The following ERAP1 variants were observed in gnomAD, a reference collection of about 807,000 sequenced individuals.
The protein encoded by ERAP1 is endoplasmic reticulum aminopeptidase 1, also known as adipocyte-derived leucine aminopeptidase.
Under a neutral mutation model 103.7 loss-of-function variants are expected in ERAP1, and 86 were observed. That is an observed-to-expected ratio of 0.83 (90% confidence interval 0.70 to 0.99). ERAP1 has a LOEUF of 0.99. Ranked by LOEUF, ERAP1 falls within the 50% of genes least tolerant of loss-of-function variation. The pLI, the probability that ERAP1 is intolerant of heterozygous loss-of-function variation, is 0.00. For synonymous variants in ERAP1, 398 were observed against 402.4 expected (o/e 0.99, Z 0.13); for missense variants, 1,009 against 1,128.4 (o/e 0.89, Z 1.52).
At chr5:96,929,089 G>A in the ERAP1 span, among the ~76,000 whole-genome samples, 4 of 152,344 alleles carry the variant, frequency 2.6e-5, no homozygotes, top group East Asian at 1.9e-4. Context: ...AAGCAAGGGA[G>A]GAGACACAGA....
the ERAP1 span, among the ~76,000 whole-genome samples, chr5:96,837,452 G>A: frequency 6.6e-6 from 1 of 152,210 alleles, no homozygotes; most frequent in Non-Finnish European, 1.5e-5. Context: ...CTGGACCCAG[G>A]CAGGAGCTTC....
chr5:96,812,600 C>CTAAT (rs147735131), upstream of ERAP1, among the ~76,000 whole-genome samples: 2,480 of 152,288 alleles, frequency 0.016, 57 homozygotes, highest in African/African-American at 0.056. Context: ...ATGCTACTAA[C>CTAAT]TGTCTTGCCT....
At chr5:96,892,305 T>C in the ERAP1 span, 2 of 1,613,828 alleles carry the variant, frequency 1.2e-6, no homozygotes, top group Admixed American at 1.7e-5. Flanking sequence ...TTAGATTTAA[T>C]TGCTATTCCT....
intron 4 of ERAP1, among the ~76,000 whole-genome samples, chr5:96,795,512 G>C (rs995524032): frequency 1.3e-5 from 2 of 152,204 alleles, no homozygotes; most frequent in Non-Finnish European, 2.9e-5. Flanking sequence ...GCCCAACACA[G>C]CTGGACTTGA....
chr5:96,767,517 T>TCCATTAA, intron 19 of ERAP1: 1 of 1,575,458 alleles, frequency 6.3e-7, no homozygotes, highest in Non-Finnish European at 8.7e-7. Context: ...CATTAAATTT[T>TCCATTAA]GTTTTATTCT....
intron 5 of ERAP1, among the ~76,000 whole-genome samples, chr5:96,794,184 T>C (rs1777070696): frequency 7.1e-6 from 1 of 140,912 alleles, no homozygotes; most frequent in Admixed American, 7.2e-5. Context: ...TTTTTTTTTT[T>C]TTTTTTTTTT....
At chr5:96,791,103 A>G (rs1315603361) in intron 8 of ERAP1, among the ~76,000 whole-genome samples, 1 of 152,230 alleles carries the variant, frequency 6.6e-6, no homozygotes, top group African/African-American at 2.4e-5. Flanking sequence ...GGATATGTCC[A>G]GGGAGCCCAG....
the ERAP1 span, among the ~76,000 whole-genome samples, chr5:96,844,947 A>G: frequency 6.6e-6 from 1 of 152,212 alleles, no homozygotes; most frequent in East Asian, 1.9e-4. Context: ...CAGGAATAAC[A>G]AATTGGGTGA....
rs1471744535 is a variant in ERAP1 at position 96,790,351 on chromosome 5, C to T, written c.1469G>A (p.Gly490Asp). The T allele has an allele frequency of 1.2e-6, 2 of 1,614,092 alleles. No homozygotes were observed. Among genetic ancestry groups the T allele is most frequent in the African/African-American group, 1.3e-5 (1 of 75,052 alleles). The part of the protein sequence containing the change: ...DSMASICPTD[G>D]VKGMDGFCSR... ...GCAAAAGCCATCCATCCCTTTTACA[C>T]CATCTGTAGGGCAAATCTAAAAACC... The change falls in exon 10 of 19, where the codon GGT becomes GAT. Residue 490 changes from glycine to aspartate, a missense_variant. Physicochemically the swap from Gly to Asp is moderately conservative, Grantham distance 94 (BLOSUM62 -1). Around this residue, in one of 3 missense-constraint regions of ERAP1, gnomAD observed 611 missense variants for 651.7 expected, o/e 0.94. Transcript: ENST00000443439.
chr5:96,820,707 A>AT, the ERAP1 span, among the ~76,000 whole-genome samples: 1 of 151,876 alleles, frequency 6.6e-6, no homozygotes, highest in African/African-American at 2.4e-5. Context: ...CAGATTAAAT[A>AT]TTTTTTTCTC....
chr5:96,904,854 C>T, the ERAP1 span, among the ~76,000 whole-genome samples: 33 of 152,140 alleles, frequency 2.2e-4, no homozygotes, highest in Admixed American at 4.6e-4. Context: ...TGGTGGAAAA[C>T]TAATCATCTT....
the ERAP1 span, chr5:96,913,528 T>A: frequency 6.6e-7 from 1 of 1,524,606 alleles, no homozygotes; most frequent in Admixed American, 1.7e-5. Flanking sequence ...CCAAGTGTAA[T>A]CAAATGTTTC....
chr5:96,870,362 C>G, the ERAP1 span, among the ~76,000 whole-genome samples: 1 of 152,166 alleles, frequency 6.6e-6, no homozygotes, highest in Non-Finnish European at 1.5e-5. Context: ...GTTGTCCAAA[C>G]CACAAAAATG....
At chr5:96,827,651 T>G in the ERAP1 span, among the ~76,000 whole-genome samples, 4 of 150,698 alleles carry the variant, frequency 2.7e-5, no homozygotes, top group African/African-American at 9.8e-5. Context: ...GGTGACAGAG[T>G]GAGACTCATC....
the ERAP1 span, among the ~76,000 whole-genome samples, chr5:96,815,454 C>T: frequency 1.4e-5 from 2 of 145,822 alleles, no homozygotes; most frequent in African/African-American, 2.5e-5. Context: ...TCTTGTTGCC[C>T]GGGCTGGAGT....
chr5:96,914,388 A>T, the ERAP1 span, among the ~76,000 whole-genome samples: 1 of 152,246 alleles, frequency 6.6e-6, no homozygotes, highest in Non-Finnish European at 1.5e-5. Context: ...AGCAAAAAGC[A>T]CATTTCCACT....
intron 18 of ERAP1, chr5:96,779,257 G>A (rs990115795): frequency 6.6e-6 from 1 of 152,164 alleles, no homozygotes; most frequent in Non-Finnish European, 1.5e-5. Flanking sequence ...ACCATGTGTG[G>A]CATATATGTC....
chr5:96,894,800 C>T, the ERAP1 span, among the ~76,000 whole-genome samples: 5 of 151,974 alleles, frequency 3.3e-5, no homozygotes, highest in African/African-American at 1.2e-4. Flanking sequence ...CTCCTAAGTA[C>T]CTGCTACTTA....
At chr5:96,904,250 T>C in the ERAP1 span, among the ~76,000 whole-genome samples, 1 of 152,158 alleles carries the variant, frequency 6.6e-6, no homozygotes, top group Non-Finnish European at 1.5e-5. Context: ...AACAGAATAA[T>C]GTGTGGAATG....
Sources: gnomAD v4.1 joint callset for allele counts (sites outside exome capture counted in the v4.1 genomes callset) on GRCh38, gnomAD v4.1.1 for gene constraint, gnomAD v4.1.1 regional missense constraint, MANE v1.5 for transcripts, NCBI Gene and HGNC (gene_info 2026-07-23, HGNC 2026-07-21) for gene names.